Variants in IL1RAPL2 observed in about 807,000 individuals in gnomAD.
IL1RAPL2 encodes the protein interleukin 1 receptor accessory protein like 2.
A neutral mutation model predicts 44.1 loss-of-function variants in IL1RAPL2; 3 were observed. That is an observed-to-expected ratio of 0.07 (90% CI 0.03 to 0.18). The LOEUF (loss-of-function observed/expected upper bound fraction) is 0.18. Among genes scored for constraint, IL1RAPL2 ranks in the 10% least tolerant of loss-of-function variants. The probability of loss-of-function intolerance (pLI) is 1.00; values close to 1 mark genes in which losing one functional copy is unlikely to be tolerated. For missense variants in IL1RAPL2, 391 were observed against 496.4 expected (o/e 0.79, Z 2.02); for synonymous variants, 181 against 178.8 (o/e 1.01, Z -0.10).
chrX:104,718,312 T>A (rs781624843), intron 2 of IL1RAPL2, among the ~76,000 whole-genome samples: 4 of 111,585 alleles, frequency 3.6e-5, no homozygotes. Flanking sequence ...TGGTGTGAGA[T>A]AGTATCTCAT....
chrX:105,140,265 G>C (rs191687730), intron 2 of IL1RAPL2, among the ~76,000 whole-genome samples: 1 of 112,377 alleles, frequency 8.9e-6, no homozygotes, highest in African/African-American at 3.2e-5. Context: ...TAAGGTGGCT[G>C]TGTAACAGAC....
chrX:105,090,230 A>G (rs1362984758), intron 2 of IL1RAPL2, among the ~76,000 whole-genome samples: 1 of 110,624 alleles, frequency 9.0e-6, no homozygotes, highest in Non-Finnish European at 1.9e-5. Flanking sequence ...TGGTTCCAGG[A>G]CCCCCACATA....
At chrX:105,234,050 C>A (rs1385481479) in intron 4 of IL1RAPL2, 46 bp downstream of exon 4, 2 of 1,050,522 alleles carry the variant, frequency 1.9e-6, no homozygotes, top group East Asian at 3.1e-5. Context: ...CAGTCAATAG[C>A]AGTCTTGGGG....
rs1425350918 is a variant in IL1RAPL2 at position 104,799,844 on chromosome X, C to A, written c.82+140849C>A. ...AGGGCAAGGATGTTAAAAATCTATTCTTTCAGCTATTTGGAAATATATATT... is the reference window on the plus strand; with the variant it reads ...AGGGCAAGGATGTTAAAAATCTATTATTTCAGCTATTTGGAAATATATATT... On this transcript the variant is annotated intron_variant, in intron 2 of 10. Coordinates refer to ENST00000372582, the MANE Select transcript of IL1RAPL2 (RefSeq NM_017416.2). 3.6e-5 allele frequency among the ~76,000 whole-genome samples: 4 copies of A among 111,413 alleles called. No individual in the cohort carries two copies. The East Asian group carries it at 1.1e-3, about 31-fold the overall frequency.
intron 2 of IL1RAPL2, among the ~76,000 whole-genome samples, chrX:105,154,834 CT>C (rs2033256793): frequency 9.0e-6 from 1 of 111,456 alleles, no homozygotes; most frequent in South Asian, 3.8e-4. Context: ...TTTATAAGCT[CT>C]TTTCTCTCTA....
chrX:105,448,332 A>C (rs1179059918), intron 5 of IL1RAPL2, among the ~76,000 whole-genome samples: 1 of 105,998 alleles, frequency 9.4e-6, no homozygotes, highest in Non-Finnish European at 1.9e-5. Context: ...CTTTCTCTCC[A>C]TATCTCTTTG....
At chrX:104,916,601 C>A (rs878969654) in intron 2 of IL1RAPL2, among the ~76,000 whole-genome samples, 1 of 111,393 alleles carries the variant, frequency 9.0e-6, no homozygotes, top group Non-Finnish European at 1.9e-5. Flanking sequence ...CCTTCCAACA[C>A]TATGTTGAAT....
intron 2 of IL1RAPL2, among the ~76,000 whole-genome samples, chrX:104,943,212 A>C (rs951618954): frequency 9.0e-6 from 1 of 110,870 alleles, no homozygotes; most frequent in Admixed American, 9.6e-5. Flanking sequence ...GCCTCATACC[A>C]TTCTCATTTC....
intron 2 of IL1RAPL2, among the ~76,000 whole-genome samples, chrX:104,782,117 G>A (rs1932778366): frequency 9.0e-6 from 1 of 111,441 alleles, no homozygotes; most frequent in African/African-American, 3.3e-5. Flanking sequence ...AATAAATTTC[G>A]ACTGTGTATA....
rs188522059 is a variant in IL1RAPL2 at position 105,141,847 on chromosome X, C to T, written c.83-53628C>T. Among the ~76,000 whole-genome samples the T allele has an allele frequency of 1.2e-4, 13 of 111,978 alleles. No individual in the cohort carries two copies. In the East Asian group the frequency reaches 3.7e-3, roughly 31 times the overall value. On this transcript the variant is annotated intron_variant, in intron 2 of 10. Transcript: ENST00000372582. ...TCAAAACTGACAAAAGCATGTGTAG[C>T]CTGCTTAAAAGAATATTTTTTCAAT...
chrX:105,545,734 T>A (rs1006279194), intron 6 of IL1RAPL2, among the ~76,000 whole-genome samples: 1 of 112,081 alleles, frequency 8.9e-6, no homozygotes, highest in African/African-American at 3.2e-5. Context: ...CTCTTTGTAT[T>A]TTGTTTTCAG....
intron 2 of IL1RAPL2, among the ~76,000 whole-genome samples, chrX:105,179,168 T>C: frequency 9.3e-6 from 1 of 107,170 alleles, no homozygotes; most frequent in African/African-American, 3.8e-5. Context: ...TTTCTCCTTG[T>C]ATTTGGTAAG....
At chrX:105,385,959 G>T (rs774314129) in intron 5 of IL1RAPL2, among the ~76,000 whole-genome samples, 4 of 111,322 alleles carry the variant, frequency 3.6e-5, no homozygotes, top group African/African-American at 9.8e-5. Flanking sequence ...TATTATTATT[G>T]AAATACAATT....
intron 1 of IL1RAPL2, among the ~76,000 whole-genome samples, chrX:104,630,996 A>AC (rs1266263308): frequency 9.3e-6 from 1 of 107,939 alleles, no homozygotes; most frequent in Non-Finnish European, 1.9e-5. Context: ...CCCCTCCCAC[A>AC]CCCCACAACA....
intron 5 of IL1RAPL2, among the ~76,000 whole-genome samples, chrX:105,315,231 C>T (rs2034827567): frequency 9.1e-6 from 1 of 110,359 alleles, no homozygotes; most frequent in Non-Finnish European, 1.9e-5. Flanking sequence ...CAGGGAACAA[C>T]TTGACCTCTG....
At chrX:104,795,380 A>G (rs977989359) in intron 2 of IL1RAPL2, among the ~76,000 whole-genome samples, 1 of 109,485 alleles carries the variant, frequency 9.1e-6, no homozygotes, top group African/African-American at 3.3e-5. Flanking sequence ...TGAAGGAAAA[A>G]TAATCTTTGA....
At chrX:105,039,363 G>A (rs73518249) in intron 2 of IL1RAPL2, among the ~76,000 whole-genome samples, 7,667 of 111,479 alleles carry the variant, frequency 0.069, 699 homozygotes, top group African/African-American at 0.24. Flanking sequence ...GAAACAAATC[G>A]TTGTTATGCA....
At chrX:105,080,083 T>C (rs1200849386) in intron 2 of IL1RAPL2, among the ~76,000 whole-genome samples, 1 of 112,215 alleles carries the variant, frequency 8.9e-6, no homozygotes, top group Non-Finnish European at 1.9e-5. Context: ...ACTTTATAGA[T>C]TCTGGATATT....
Position 105,333,079 on chromosome X carries a change from C to T in IL1RAPL2, c.697+65538C>T, listed in dbSNP as rs189045967. 1.8e-4 allele frequency among the ~76,000 whole-genome samples: 20 copies of T among 111,503 alleles called. 1 individual carries two copies. Among genetic ancestry groups the T allele is most frequent in the South Asian group, 1.5e-3 (4 of 2,685 alleles). On this transcript the variant is annotated intron_variant, in intron 5 of 10. Transcript: ENST00000372582. Reference sequence around the variant, plus strand: ...CCAAAGCTATCTTAAGCAAAAACAACAAAACTGGAGGATTCACACTACCTG... The same window carrying T: ...CCAAAGCTATCTTAAGCAAAAACAATAAAACTGGAGGATTCACACTACCTG...
Sources: gnomAD v4.1 joint callset for allele counts (sites outside exome capture counted in the v4.1 genomes callset) on GRCh38, gnomAD v4.1.1 for gene constraint, MANE v1.5 for transcripts, NCBI Gene and HGNC (gene_info 2026-07-23, HGNC 2026-07-21) for gene names.